GALNT17: variants seen among roughly 807,000 people sequenced by gnomAD.
GALNT17 encodes UDP-GalNAc:polypeptide N-acetylgalactosaminyltransferase-like 3.
In GALNT17, 29 loss-of-function variants were observed where a neutral mutation model predicts 63.7. That is an observed-to-expected ratio of 0.46 (90% CI 0.34 to 0.62). The LOEUF (loss-of-function observed/expected upper bound fraction) is 0.62, where lower values mean the gene tolerates loss of function less well. Ranked by LOEUF, GALNT17 falls within the 20% of genes least tolerant of loss-of-function variation. GALNT17 has a pLI of 0.01. For synonymous variants in GALNT17, 305 were observed against 318.3 expected (o/e 0.96, Z 0.45); for missense variants, 603 against 799.6 (o/e 0.75, Z 2.97).
chr7:71,284,056 A>T (rs1393891394), intron 1 of GALNT17: 1 of 152,154 alleles, frequency 6.6e-6, no homozygotes, highest in Non-Finnish European at 1.5e-5. Context: ...CCGCAGCTGC[A>T]ACCGGCTCTG....
At chr7:71,502,619 A>G (rs1340517168) in intron 5 of GALNT17, among the ~76,000 whole-genome samples, 1 of 152,144 alleles carries the variant, frequency 6.6e-6, no homozygotes, top group East Asian at 1.9e-4. Flanking sequence ...AGACACAGAA[A>G]ATGATGCCCA....
chr7:71,503,846 A>C (rs1024213139), intron 5 of GALNT17, among the ~76,000 whole-genome samples: 11 of 152,124 alleles, frequency 7.2e-5, no homozygotes, highest in African/African-American at 2.7e-4. Flanking sequence ...TTGTAATCCC[A>C]GCACTTTGAG....
intron 1 of GALNT17, among the ~76,000 whole-genome samples, chr7:71,165,598 G>A (rs79350807): frequency 0.01 from 1,583 of 152,228 alleles, 19 homozygotes; most frequent in East Asian, 0.046. Context: ...ATCTCCCACC[G>A]GGTCCCTCAT....
chr7:71,626,790 T>A (rs1202769765), intron 6 of GALNT17, among the ~76,000 whole-genome samples: 1 of 152,232 alleles, frequency 6.6e-6, no homozygotes, highest in African/African-American at 2.4e-5. Flanking sequence ...GAATTTCTGA[T>A]GTCTGCTTAC....
chr7:71,263,767 T>C (rs571407946), intron 1 of GALNT17, among the ~76,000 whole-genome samples: 1 of 151,742 alleles, frequency 6.6e-6, no homozygotes, highest in Admixed American at 6.6e-5. Context: ...ACTAAAAAAA[T>C]ACAAAAAGTT....
At chr7:71,354,130 C>T (rs903273284) in intron 2 of GALNT17, among the ~76,000 whole-genome samples, 1 of 152,302 alleles carries the variant, frequency 6.6e-6, no homozygotes, top group Admixed American at 6.5e-5. Context: ...GATCCAGTCA[C>T]CTCCTAACAC....
Position 71,384,029 on chromosome 7 carries a change from G to A in GALNT17, c.423-4206G>A, listed in dbSNP as rs533606025. 2.6e-5 allele frequency among the ~76,000 whole-genome samples: 4 copies of A among 152,156 alleles called. No individual in the cohort carries two copies. The South Asian group carries it at 8.3e-4, about 32-fold the overall frequency. On this transcript the variant is annotated intron_variant, in intron 2 of 10. Coordinates refer to ENST00000333538, the MANE Select transcript of GALNT17 (RefSeq NM_022479.3). ...CACCCACCATACTATTTTCCACAGCGGCCGTAACATCCTCCCCTTCCATCA... is the reference window on the plus strand; with the variant it reads ...CACCCACCATACTATTTTCCACAGCAGCCGTAACATCCTCCCCTTCCATCA...
intron 1 of GALNT17, among the ~76,000 whole-genome samples, chr7:71,225,750 G>A (rs1402857619): frequency 6.6e-6 from 1 of 152,114 alleles, no homozygotes; most frequent in South Asian, 2.1e-4. Flanking sequence ...GTCATTCCCC[G>A]GGAAAATTGG....
intron 1 of GALNT17, among the ~76,000 whole-genome samples, chr7:71,323,921 G>A (rs1791659762): frequency 6.6e-6 from 1 of 152,230 alleles, no homozygotes; most frequent in Non-Finnish European, 1.5e-5. Flanking sequence ...TATGATATCA[G>A]AAATGTTGTG....
intron 1 of GALNT17, among the ~76,000 whole-genome samples, chr7:71,185,652 T>C (rs1472524984): frequency 6.6e-6 from 1 of 151,160 alleles, no homozygotes; most frequent in Non-Finnish European, 1.5e-5. Context: ...GGACTACAGG[T>C]GCCCACCACC....
intron 6 of GALNT17, among the ~76,000 whole-genome samples, chr7:71,658,717 A>G (rs1351823649): frequency 6.6e-6 from 1 of 151,978 alleles, no homozygotes; most frequent in African/African-American, 2.4e-5. Context: ...GCAAAACCCC[A>G]TCTCTACTAA....
intron 1 of GALNT17, among the ~76,000 whole-genome samples, chr7:71,269,820 G>A (rs4717589): frequency 0.22 from 34,103 of 152,114 alleles, 4,918 homozygotes; most frequent in Admixed American, 0.35. Context: ...AGCATGGCTG[G>A]GGGAGGTGAT....
chr7:71,468,805 G>A (rs1301046984), intron 5 of GALNT17, among the ~76,000 whole-genome samples: 2 of 152,072 alleles, frequency 1.3e-5, no homozygotes, highest in Admixed American at 6.6e-5. Context: ...GACTGCTTTT[G>A]TTCTTTCATT....
chr7:71,674,257 A>G (rs1791113270), intron 8 of GALNT17, among the ~76,000 whole-genome samples: 1 of 152,010 alleles, frequency 6.6e-6, no homozygotes. Context: ...GAGTATCACC[A>G]TTTACAGATA....
chr7:71,550,387 T>C (rs1789056017), intron 5 of GALNT17, among the ~76,000 whole-genome samples: 1 of 152,164 alleles, frequency 6.6e-6, no homozygotes, highest in Non-Finnish European at 1.5e-5. Flanking sequence ...TGTGTGTTTT[T>C]TTTGTTCTTT....
chr7:71,488,945 G>A (rs1787960121), intron 5 of GALNT17, among the ~76,000 whole-genome samples: 1 of 123,950 alleles, frequency 8.1e-6, no homozygotes. Context: ...CCAGGCCAGA[G>A]TGTAGTGGTA....
intron 2 of GALNT17, among the ~76,000 whole-genome samples, chr7:71,344,445 G>T (rs2116141825): frequency 6.6e-6 from 1 of 152,274 alleles, no homozygotes; most frequent in Middle Eastern, 3.4e-3. Flanking sequence ...GGAGTGGAAG[G>T]AGGAAACCAG....
intron 1 of GALNT17, among the ~76,000 whole-genome samples, chr7:71,146,323 C>T (rs966234162): frequency 6.6e-6 from 1 of 152,170 alleles, no homozygotes; most frequent in Admixed American, 6.5e-5. Context: ...GTGCCAGTCT[C>T]GGGTCCTCTC....
rs117481127 is a variant in GALNT17, at chr7:71,536,878, G to A, written c.963-34407G>A. 3.5e-3 allele frequency among the ~76,000 whole-genome samples: 531 copies of A among 152,272 alleles called. 1 individual carries two copies. The highest frequency in any genetic ancestry group is 6.2e-3 in the Non-Finnish European group (421 of 68,022). On this transcript the variant is annotated intron_variant, in intron 5 of 10. Transcript: ENST00000333538. ...AACTTGGAAGATCAAGATTCCTCAC[G>A]TTCTGATGCCACATAGTTAACCCTA... is the stretch of plus-strand genomic sequence containing the variant.
Sources: gnomAD v4.1 joint callset for allele counts (sites outside exome capture counted in the v4.1 genomes callset) on GRCh38, gnomAD v4.1.1 for gene constraint, MANE v1.5 for transcripts, NCBI Gene and HGNC (gene_info 2026-07-23, HGNC 2026-07-21) for gene names.